Variants in MVB12B observed in about 807,000 individuals in gnomAD.
The protein encoded by MVB12B is ESCRT-I complex subunit MVB12B.
In MVB12B, 16 loss-of-function variants were observed where a neutral mutation model predicts 41.6. The observed-to-expected ratio is 0.38, with a 90% CI of 0.26 to 0.58. The LOEUF (loss-of-function observed/expected upper bound fraction) is 0.58, where lower values mean the gene tolerates loss of function less well. MVB12B is among the 20% of genes least tolerant of loss of function. The pLI, the probability that MVB12B is intolerant of heterozygous loss-of-function variation, is 0.62. For missense variants in MVB12B, 274 were observed against 380.2 expected, an observed-to-expected ratio of 0.72 and a Z score of 2.32; for synonymous variants, 133 against 139.7, an observed-to-expected ratio of 0.95 and a Z score of 0.34.
intron 6 of MVB12B, among the ~76,000 whole-genome samples, chr9:126,399,195 C>T (rs1359841758): frequency 6.6e-6 from 1 of 152,222 alleles, no homozygotes; most frequent in Non-Finnish European, 1.5e-5. Flanking sequence ...CAGAGCTCCT[C>T]TCCCTCATAC....
At chr9:126,419,408 C>T (rs1831931057) in intron 6 of MVB12B, among the ~76,000 whole-genome samples, 1 of 152,180 alleles carries the variant, frequency 6.6e-6, no homozygotes, top group Non-Finnish European at 1.5e-5. Flanking sequence ...TCTTGAAATT[C>T]TTGATAGCAT....
chr9:126,479,177 C>T (rs1833475469), intron 7 of MVB12B, among the ~76,000 whole-genome samples: 1 of 152,148 alleles, frequency 6.6e-6, no homozygotes, highest in South Asian at 2.1e-4. Context: ...CTATCCAGAG[C>T]TTTGGGGCCA....
At chr9:126,401,176 T>C (rs1380846052) in intron 6 of MVB12B, among the ~76,000 whole-genome samples, 4 of 152,136 alleles carry the variant, frequency 2.6e-5, no homozygotes, top group African/African-American at 9.7e-5. Flanking sequence ...AGGGTTATTT[T>C]CCCACCCGAA....
chr9:126,434,948 G>A (rs1832428994), intron 7 of MVB12B, among the ~76,000 whole-genome samples: 1 of 152,186 alleles, frequency 6.6e-6, no homozygotes, highest in African/African-American at 2.4e-5. Flanking sequence ...CTAGCATACA[G>A]GGGATGTTCC....
chr9:126,461,160 G>T (rs138596841), intron 7 of MVB12B, among the ~76,000 whole-genome samples: 2 of 152,274 alleles, frequency 1.3e-5, no homozygotes, highest in South Asian at 4.1e-4. Flanking sequence ...TTCATTTTCC[G>T]TGGAGGCCAG....
rs1321996031 is a variant in MVB12B, at chr9:126,480,587, T to C, written c.758-782T>C. ...ACCAGGCCCCTGGTTTCTCCATCGT[T>C]GCGTCCCCGTTCCATGCCCTTTTTC... On this transcript the variant is annotated intron_variant, in intron 7 of 9. Coordinates refer to ENST00000361171, the MANE Select transcript of MVB12B (RefSeq NM_033446.3). The surrounding 1 kb of genome is among the most constrained non-coding windows in gnomAD (Gnocchi z 4.9). Among the ~76,000 whole-genome samples the C allele has an allele frequency of 6.6e-6, 1 of 152,200 alleles. No individual in the cohort carries two copies. The highest frequency in any genetic ancestry group is 2.1e-4 in the South Asian group (1 of 4,836).
chr9:126,493,009 A>G (rs1166629139), intron 9 of MVB12B, among the ~76,000 whole-genome samples: 1 of 152,216 alleles, frequency 6.6e-6, no homozygotes, highest in African/African-American at 2.4e-5. Context: ...TACGTTTTAA[A>G]GAGAGCAAAC....
chr9:126,492,477 C>T (rs980019251), intron 9 of MVB12B, among the ~76,000 whole-genome samples: 1 of 152,010 alleles, frequency 6.6e-6, no homozygotes, highest in Non-Finnish European at 1.5e-5. Flanking sequence ...CTGAGGGGAC[C>T]TTTCCTCACA....
chr9:126,454,520 G>T (rs987145744), intron 7 of MVB12B, among the ~76,000 whole-genome samples: 2 of 152,242 alleles, frequency 1.3e-5, no homozygotes, highest in African/African-American at 4.8e-5. Flanking sequence ...GTGGCCTGGG[G>T]CTGGGCGAGT....
intron 2 of MVB12B, among the ~76,000 whole-genome samples, chr9:126,343,912 G>A (rs1829518006): frequency 6.6e-6 from 1 of 152,144 alleles, no homozygotes; most frequent in Non-Finnish European, 1.5e-5. Context: ...GTGAGACTCT[G>A]TCTCTAAATA....
chr9:126,388,272 A>G (rs1830855326), intron 4 of MVB12B, among the ~76,000 whole-genome samples: 1 of 152,186 alleles, frequency 6.6e-6, no homozygotes, highest in South Asian at 2.1e-4. Flanking sequence ...GACATCTCAT[A>G]TAAATGGAAT....
At chr9:126,330,321 A>ACT (rs1369389319) in intron 1 of MVB12B, among the ~76,000 whole-genome samples, 1 of 151,382 alleles carries the variant, frequency 6.6e-6, no homozygotes, top group Non-Finnish European at 1.5e-5. Flanking sequence ...ACACACACAC[A>ACT]CACATACACA....
intron 9 of MVB12B, among the ~76,000 whole-genome samples, chr9:126,500,085 T>G (rs747151812): frequency 2.5e-4 from 38 of 152,230 alleles, no homozygotes; most frequent in Non-Finnish European, 4.7e-4. Context: ...GGGCCTAGGC[T>G]CTCTGGCTGT....
intron 7 of MVB12B, among the ~76,000 whole-genome samples, chr9:126,453,960 C>T (rs890591473): frequency 2.6e-5 from 4 of 152,176 alleles, no homozygotes; most frequent in Non-Finnish European, 5.9e-5. Context: ...AGATGGAAGT[C>T]TGGTGTCCCA....
intron 2 of MVB12B, among the ~76,000 whole-genome samples, chr9:126,372,245 A>G (rs1256992708): frequency 2.6e-5 from 4 of 152,232 alleles, no homozygotes; most frequent in African/African-American, 9.6e-5. Context: ...ATACTATTTC[A>G]TTGTATGGCT....
intron 7 of MVB12B, among the ~76,000 whole-genome samples, chr9:126,435,882 G>T (rs771431794): frequency 3.3e-5 from 5 of 152,206 alleles, no homozygotes; most frequent in Admixed American, 1.3e-4. Flanking sequence ...CACTGTGAAG[G>T]GTACGGCTGT....
intron 6 of MVB12B, chr9:126,396,100 A>G: frequency 1.0e-6 from 1 of 996,804 alleles, no homozygotes; most frequent in Non-Finnish European, 1.2e-6. Context: ...GAGTTCTTAT[A>G]TTCTTCATTT....
In MVB12B at chr9:126,367,813, G is replaced by A. The variant is rs1211962767; in HGVS notation, c.205-13251G>A. ...GAGCTCAAGGGTGTGGCTGAGTGGA[G>A]GTCAAACCCAGGTCTCCTGCCTCTG... is the stretch of plus-strand genomic sequence containing the variant. On this transcript the variant is annotated intron_variant, in intron 2 of 9. Coordinates refer to ENST00000361171, the MANE Select transcript of MVB12B (RefSeq NM_033446.3). This position sits in a 1 kb window ranked among gnomAD's most constrained non-coding sequence, Gnocchi z 4.3. Among the ~76,000 whole-genome samples, 4 of 152,194 alleles carry A rather than the reference G, an allele frequency of 2.6e-5. No individual in the cohort carries two copies. Among genetic ancestry groups the A allele is most frequent in the Non-Finnish European group, 5.9e-5 (4 of 68,028 alleles).
At position 126,389,305 on chromosome 9, in the gene MVB12B, C is replaced by T. The variant is rs1049455754; in HGVS notation, c.409+2647C>T. On this transcript the variant is annotated intron_variant, in intron 4 of 9. Coordinates refer to ENST00000361171, the MANE Select transcript of MVB12B (RefSeq NM_033446.3). The surrounding 1 kb of genome is among the most constrained non-coding windows in gnomAD (Gnocchi z 4.4). ...GGCCACATAAGCCTTATGATCAGCT[C>T]TGTATCATCTGAGAGTATTCAAGAC... 6.6e-6 allele frequency among the ~76,000 whole-genome samples: 1 copy of T among 152,140 alleles called. No individual in the cohort carries two copies. The highest frequency in any genetic ancestry group is 1.5e-5 in the Non-Finnish European group (1 of 68,042).
Sources: allele counts gnomAD v4.1 joint callset (sites outside exome capture counted in the v4.1 genomes callset), GRCh38; gene constraint gnomAD v4.1.1; non-coding constraint Gnocchi (gnomAD v3.1); transcripts MANE v1.5; gene names NCBI Gene and HGNC (gene_info 2026-07-23, HGNC 2026-07-21).